The following EIF2B3 variants were observed in gnomAD, a reference collection of about 807,000 sequenced individuals.
EIF2B3 encodes the protein translation initiation factor eIF2B subunit gamma.
In EIF2B3, 20 loss-of-function variants were observed where a neutral mutation model predicts 54.1. That is an observed-to-expected ratio of 0.37 (90% confidence interval 0.26 to 0.54). The LOEUF is 0.54. Among genes scored for constraint, EIF2B3 ranks in the 20% least tolerant of loss-of-function variants. The pLI is 0.86. For synonymous variants in EIF2B3, 153 were observed against 188.1 expected (o/e 0.81, Z 1.52); for missense variants, 448 against 547.8 (o/e 0.82, Z 1.82).
At chr1:44,876,711 G>A (rs1335310346) in intron 8 of EIF2B3, among the ~76,000 whole-genome samples, 1 of 139,434 alleles carries the variant, frequency 7.2e-6, no homozygotes, top group African/African-American at 2.8e-5. Flanking sequence ...ACAGCTCATT[G>A]AGAACGGGCC....
chr1:44,863,682 T>G (rs1161113385), intron 10 of EIF2B3, among the ~76,000 whole-genome samples: 2 of 152,248 alleles, frequency 1.3e-5, no homozygotes, highest in Admixed American at 6.5e-5. Flanking sequence ...CCTTCCTTCT[T>G]CCACCAGGGT....
At chr1:44,942,485 CGG>C (rs1644046552) in intron 3 of EIF2B3, among the ~76,000 whole-genome samples, 1 of 123,588 alleles carries the variant, frequency 8.1e-6, no homozygotes, top group Non-Finnish European at 1.6e-5. Flanking sequence ...TGGAATGCAG[CGG>C]TGCGGTCACA....
In EIF2B3 at chr1:44,977,018, G is replaced by A. The variant is rs10465874; in HGVS notation, c.294+1297C>T. Among the ~76,000 whole-genome samples, 657 of 152,256 alleles carry A rather than the reference G, an allele frequency of 4.3e-3. 3 individuals carry two copies. Among genetic ancestry groups the A allele is most frequent in the African/African-American group, 0.015 (628 of 41,558 alleles). On this transcript the variant is annotated intron_variant, in intron 3 of 11. Transcript: ENST00000360403. Reference sequence around the variant, plus strand: ...GTGTATAAATTATTCCTCAATAAAAGGGGTGGGAAAGCCATGTACATATTT... The same window carrying A: ...GTGTATAAATTATTCCTCAATAAAAAGGGTGGGAAAGCCATGTACATATTT...
intron 10 of EIF2B3, among the ~76,000 whole-genome samples, chr1:44,871,042 AC>A (rs1467251573): frequency 6.6e-6 from 1 of 152,178 alleles, no homozygotes; most frequent in Non-Finnish European, 1.5e-5. Flanking sequence ...GGCCTCCTGT[AC>A]GTCACCATGC....
At chr1:44,865,287 C>T (rs1654733870) in intron 10 of EIF2B3, among the ~76,000 whole-genome samples, 1 of 150,100 alleles carries the variant, frequency 6.7e-6, no homozygotes, top group African/African-American at 2.4e-5. Context: ...GTTTTTCTTT[C>T]AGTTCTGCAT....
intron 3 of EIF2B3, among the ~76,000 whole-genome samples, chr1:44,953,770 G>T (rs548801638): frequency 1.1e-4 from 17 of 152,230 alleles, no homozygotes; most frequent in African/African-American, 4.1e-4. Context: ...TTCAGCTTGG[G>T]CACTGGAGTG....
chr1:44,905,754 T>G (rs907401439), intron 5 of EIF2B3, among the ~76,000 whole-genome samples: 1 of 152,164 alleles, frequency 6.6e-6, no homozygotes, highest in Non-Finnish European at 1.5e-5. Flanking sequence ...CATACAAAAA[T>G]ACCTTCATAA....
At chr1:44,919,740 C>T (rs531512133) in intron 5 of EIF2B3, among the ~76,000 whole-genome samples, 1 of 119,606 alleles carries the variant, frequency 8.4e-6, no homozygotes, top group African/African-American at 3.4e-5. Context: ...TTTTTTGAGA[C>T]GGAGGCTCAC....
intron 5 of EIF2B3, among the ~76,000 whole-genome samples, chr1:44,916,493 G>A (rs1643625811): frequency 6.7e-6 from 1 of 149,812 alleles, no homozygotes; most frequent in Non-Finnish European, 1.5e-5. Context: ...CTCCCAAAGT[G>A]CTAGGATTAC....
intron 6 of EIF2B3, among the ~76,000 whole-genome samples, chr1:44,891,990 T>C (rs943503486): frequency 1.3e-4 from 20 of 152,080 alleles, no homozygotes; most frequent in African/African-American, 4.8e-4. Flanking sequence ...CCTCCCACTT[T>C]AGCCTCCCAA....
rs1168286122 is a variant in EIF2B3 at position 44,880,080 on chromosome 1, T to G, written c.785-72A>C. On this transcript the variant is annotated intron_variant, in intron 7 of 11. Coordinates refer to ENST00000360403, the MANE Select transcript of EIF2B3 (RefSeq NM_020365.5). ...CAGAACAGATACAGACTCAGTCAAGTTGTTTTTTTGTTTATTTAAGAGACG... is the reference window on the plus strand; with the variant it reads ...CAGAACAGATACAGACTCAGTCAAGGTGTTTTTTTGTTTATTTAAGAGACG... The G allele has an allele frequency of 6.5e-6, 10 of 1,531,136 alleles. No homozygotes were observed. The Admixed American group carries it at 1.8e-4, about 28-fold the overall frequency. 94.8% of individuals were successfully genotyped at this position (1,531,136 alleles called of 1,614,324 possible). A position where few individuals can be genotyped will look rare whatever the true frequency, so the allele number is the denominator to read the frequency against.
At position 44,968,123 on chromosome 1, in the gene EIF2B3, G is replaced by C. The variant is rs1157977330; in HGVS notation, c.294+10192C>G. Among the ~76,000 whole-genome samples the C allele has an allele frequency of 2.6e-5, 4 of 152,052 alleles. No homozygotes were observed. In the East Asian group the frequency reaches 7.7e-4, roughly 29 times the overall value. Reference sequence around the variant, plus strand: ...CTTGCCTGTAAATCCCATTACTTTGGGAAGCTGAGGCAGGCAGATCATTTG... The same window carrying C: ...CTTGCCTGTAAATCCCATTACTTTGCGAAGCTGAGGCAGGCAGATCATTTG... On this transcript the variant is annotated intron_variant, in intron 3 of 11. Coordinates refer to ENST00000360403, the MANE Select transcript of EIF2B3 (RefSeq NM_020365.5).
At chr1:44,895,943 T>C (rs1021596783) in intron 6 of EIF2B3, among the ~76,000 whole-genome samples, 4 of 152,132 alleles carry the variant, frequency 2.6e-5, no homozygotes, top group Non-Finnish European at 4.4e-5. Context: ...GAGTGAAAAA[T>C]AAACCCTTCA....
intron 8 of EIF2B3, among the ~76,000 whole-genome samples, chr1:44,878,729 C>T (rs1025801205): frequency 3.3e-5 from 5 of 151,574 alleles, no homozygotes; most frequent in Non-Finnish European, 7.4e-5. Context: ...CAATGTAGTT[C>T]CCTCAATTAT....
rs757621916 is a variant in EIF2B3 at position 44,978,419 on chromosome 1, A to G, written c.190T>C (p.Cys64Arg). Residue 64 changes from cysteine to arginine, a missense_variant, in exon 3 of 12, where the codon TGT (cysteine) becomes CGT (arginine). Around this residue, in one of 3 missense-constraint regions of EIF2B3, gnomAD observed 95 missense variants for 115.7 expected, o/e 0.82. Coordinates refer to ENST00000360403, the MANE Select transcript of EIF2B3 (RefSeq NM_020365.5). ...VTTRDVQKAL[C>R]AEFKMKMKPD... is the part of the protein sequence containing the mutation. The stretch of plus-strand genomic sequence containing the variant: ...TTCATTTTCATCTTGAATTCTGCAC[A>G]TAGAGCCTTTTGAACATCCCTGGTT... 1.9e-6 allele frequency: 3 copies of G among 1,613,922 alleles called. No homozygotes were observed. Among genetic ancestry groups the G allele is most frequent in the Non-Finnish European group, 2.5e-6 (3 of 1,180,014 alleles).
chr1:44,964,245 C>A lies in EIF2B3; in HGVS notation c.294+14070G>T, dbSNP rs1469216944. Among the ~76,000 whole-genome samples, 3 of 152,044 alleles carry A rather than the reference C, an allele frequency of 2.0e-5. No homozygotes were observed. The East Asian group carries it at 5.8e-4, about 29-fold the overall frequency. On this transcript the variant is annotated intron_variant, in intron 3 of 11. Transcript: ENST00000360403. The stretch of plus-strand genomic sequence containing the variant: ...CCAGGAAGGCATCATCAGGATTACA[C>A]TGAGGCTGTCGTAAGCAACCATGGC...
intron 2 of EIF2B3, among the ~76,000 whole-genome samples, chr1:44,980,019 T>C (rs1181011836): frequency 2.0e-5 from 3 of 152,040 alleles, no homozygotes; most frequent in East Asian, 1.9e-4. Context: ...ACCCTTCCTA[T>C]TGGAGGCAAC....
chr1:44,973,679 G>A (rs986884058), intron 3 of EIF2B3, among the ~76,000 whole-genome samples: 9 of 152,132 alleles, frequency 5.9e-5, no homozygotes, highest in Non-Finnish European at 8.8e-5. Flanking sequence ...ACCCCAGCCA[G>A]GGTGATAGAG....
intron 5 of EIF2B3, among the ~76,000 whole-genome samples, chr1:44,916,271 G>C (rs1643620422): frequency 6.6e-6 from 1 of 151,984 alleles, no homozygotes; most frequent in South Asian, 2.1e-4. Context: ...GTCCAGGCTA[G>C]AGTGCAGTGG....
Sources: gnomAD v4.1 joint callset for allele counts (sites outside exome capture counted in the v4.1 genomes callset) on GRCh38, gnomAD v4.1.1 for gene constraint, gnomAD v4.1.1 regional missense constraint, MANE v1.5 for transcripts, NCBI Gene and HGNC (gene_info 2026-07-23, HGNC 2026-07-21) for gene names.